RAB27B: variants seen among roughly 807,000 people sequenced by gnomAD.
The protein encoded by RAB27B is ras-related protein Rab-27B.
RAB27B carries 15 observed loss-of-function variants against 24.6 expected under a neutral mutation model. That is an observed-to-expected ratio of 0.61 (90% CI 0.41 to 0.94). The LOEUF is 0.94. Ranked by LOEUF, RAB27B falls within the 40% of genes least tolerant of loss-of-function variation. The pLI, the probability that RAB27B is intolerant of heterozygous loss-of-function variation, is 0.00. For synonymous variants in RAB27B, 105 were observed against 92.5 expected (o/e 1.14, Z -0.78); for missense variants, 261 against 266.8 (o/e 0.98, Z 0.15).
intron 2 of RAB27B, among the ~76,000 whole-genome samples, chr18:54,793,840 G>A (rs1379486855): frequency 6.6e-6 from 1 of 152,142 alleles, no homozygotes; most frequent in Non-Finnish European, 1.5e-5. Flanking sequence ...GAGCCCAGGA[G>A]TTCAAATCTA....
At chr18:54,839,447 C>T (rs1911023156) in intron 1 of RAB27B, among the ~76,000 whole-genome samples, 1 of 152,116 alleles carries the variant, frequency 6.6e-6, no homozygotes, top group Admixed American at 6.6e-5. Context: ...AACATTCTCC[C>T]ATTGTAGCCA....
intron 2 of RAB27B, among the ~76,000 whole-genome samples, chr18:54,767,312 C>T (rs1908394693): frequency 6.6e-6 from 1 of 152,104 alleles, no homozygotes. Flanking sequence ...TGGCTCATGC[C>T]AGTGTGTGGT....
chr18:54,727,966 A>T (rs757130388), intron 2 of RAB27B, among the ~76,000 whole-genome samples: 4 of 152,196 alleles, frequency 2.6e-5, no homozygotes, highest in Non-Finnish European at 5.9e-5. Flanking sequence ...ACTACAGCTA[A>T]AAACTCTGCA....
rs1165180460 is a variant in RAB27B, at chr18:54,724,588, G to A, written c.-20+6447G>A. Among the ~76,000 whole-genome samples, 2 of 151,310 alleles carry A rather than the reference G, an allele frequency of 1.3e-5. 1 individual carries two copies. The highest frequency in any genetic ancestry group is 3.0e-5 in the Non-Finnish European group (2 of 67,706). On this transcript the variant is annotated intron_variant, in intron 2 of 4. Coordinates refer to the RAB27B transcript ENST00000586570. ...AAAATACAAAAATTAACCAGGTGTA[G>A]TGGTGTGCTCCTGAGGTGGGAGAAT...
intron 2 of RAB27B, among the ~76,000 whole-genome samples, chr18:54,817,826 T>C (rs1442196915): frequency 6.6e-6 from 1 of 151,916 alleles, no homozygotes; most frequent in African/African-American, 2.4e-5. Context: ...CACTAATTTC[T>C]GCAGTTCTTT....
intron 2 of RAB27B, among the ~76,000 whole-genome samples, chr18:54,785,071 G>A (rs1909038927): frequency 6.6e-6 from 1 of 151,494 alleles, no homozygotes; most frequent in African/African-American, 2.4e-5. Flanking sequence ...TCCTGCCTCA[G>A]GGCCTTTGTA....
intron 2 of RAB27B, among the ~76,000 whole-genome samples, chr18:54,778,914 C>T (rs1908802298): frequency 6.6e-6 from 1 of 151,588 alleles, no homozygotes; most frequent in South Asian, 2.1e-4. Context: ...GATCTCAGCT[C>T]ACTGCAATTT....
At chr18:54,806,113 C>T (rs1044125650) in intron 2 of RAB27B, among the ~76,000 whole-genome samples, 3 of 152,154 alleles carry the variant, frequency 2.0e-5, no homozygotes, top group African/African-American at 7.2e-5. Context: ...AGATATAAAA[C>T]ATTGTGCTAG....
At chr18:54,739,516 GA>G (rs1283848911) in intron 2 of RAB27B, among the ~76,000 whole-genome samples, 1 of 147,548 alleles carries the variant, frequency 6.8e-6, no homozygotes, top group African/African-American at 2.5e-5. Context: ...TTCTCCTGTT[GA>G]TGTACCCTTA....
chr18:54,752,564 A>G (rs538501658), intron 2 of RAB27B, among the ~76,000 whole-genome samples: 2 of 152,330 alleles, frequency 1.3e-5, no homozygotes, highest in East Asian at 3.9e-4. Context: ...TTGAGGAGTG[A>G]AACAGCAGAG....
intron 1 of RAB27B, among the ~76,000 whole-genome samples, chr18:54,850,522 A>G (rs888238482): frequency 2.0e-5 from 3 of 150,788 alleles, no homozygotes; most frequent in Non-Finnish European, 4.4e-5. Context: ...GTATGCCAGC[A>G]TGCCCAGCTA....
At chr18:54,767,207 C>T (rs1269110882) in intron 2 of RAB27B, among the ~76,000 whole-genome samples, 1 of 152,132 alleles carries the variant, frequency 6.6e-6, no homozygotes, top group Non-Finnish European at 1.5e-5. Flanking sequence ...TCCATTTGCT[C>T]TCCTAAATGT....
chr18:54,794,735 C>G, intron 2 of RAB27B, among the ~76,000 whole-genome samples: 1 of 152,200 alleles, frequency 6.6e-6, no homozygotes. Context: ...TAGCGCTGAA[C>G]AGAAGTGGTC....
At chr18:54,731,370 A>T (rs1221880862) in intron 2 of RAB27B, among the ~76,000 whole-genome samples, 1 of 152,228 alleles carries the variant, frequency 6.6e-6, no homozygotes, top group Non-Finnish European at 1.5e-5. Flanking sequence ...ATTCATAATG[A>T]TATAGGAAGT....
At chr18:54,726,401 A>G (rs958497433) in intron 2 of RAB27B, among the ~76,000 whole-genome samples, 1 of 151,550 alleles carries the variant, frequency 6.6e-6, no homozygotes, top group Non-Finnish European at 1.5e-5. Flanking sequence ...CAGGTTTCCA[A>G]AAATTCATGA....
rs1029964976 is a variant in RAB27B at position 54,745,190 on chromosome 18, C to T, written c.-20+27049C>T. 4.6e-5 allele frequency: 8 copies of T among 172,088 alleles called. No homozygotes were observed. The Admixed American group carries it at 4.8e-4, about 10-fold the overall frequency. The allele number at this position is 172,088 out of a possible 1,614,324, so 10.7% of individuals were successfully genotyped here. On this transcript the variant is annotated intron_variant, in intron 2 of 4. Coordinates refer to the RAB27B transcript ENST00000586570. ...CATTGCTCTGGGTCACACAGATTCTCCTCTTTGCTGTGTGGACATTGCCAT... is the reference window on the plus strand; with the variant it reads ...CATTGCTCTGGGTCACACAGATTCTTCTCTTTGCTGTGTGGACATTGCCAT...
intron 2 of RAB27B, among the ~76,000 whole-genome samples, chr18:54,765,311 C>T (rs1908327395): frequency 6.6e-6 from 1 of 152,046 alleles, no homozygotes; most frequent in South Asian, 2.1e-4. Flanking sequence ...TCTTAATTTC[C>T]CATTCCCTGG....
intron 2 of RAB27B, among the ~76,000 whole-genome samples, chr18:54,772,496 C>T (rs1329655757): frequency 1.3e-5 from 2 of 152,170 alleles, no homozygotes; most frequent in African/African-American, 2.4e-5. Flanking sequence ...ATTGTTCCTA[C>T]GATTCCACAC....
At chr18:54,817,085 C>T (rs537674293) in intron 2 of RAB27B, among the ~76,000 whole-genome samples, 3 of 152,142 alleles carry the variant, frequency 2.0e-5, no homozygotes, top group African/African-American at 7.2e-5. Context: ...ATCAAAGTTA[C>T]TGAAATTTAA....
Sources: gnomAD v4.1 joint callset for allele counts (sites outside exome capture counted in the v4.1 genomes callset) on GRCh38, gnomAD v4.1.1 for gene constraint, MANE v1.5 for transcripts, NCBI Gene and HGNC (gene_info 2026-07-23, HGNC 2026-07-21) for gene names.